Variants in KCNG3 observed in about 807,000 individuals in gnomAD.
The protein encoded by KCNG3 is voltage-gated potassium channel regulatory subunit KCNG3.
A neutral mutation model predicts 29.0 loss-of-function variants in KCNG3; 15 were observed. The observed-to-expected ratio is 0.52, with a 90% CI of 0.35 to 0.80. The LOEUF (loss-of-function observed/expected upper bound fraction) is 0.80, where lower values mean the gene tolerates loss of function less well. KCNG3 is among the 30% of genes least tolerant of loss of function. The pLI, the probability that KCNG3 is intolerant of heterozygous loss-of-function variation, is 0.01. For missense variants in KCNG3, 512 were observed against 605.7 expected (o/e 0.85, Z 1.62); for synonymous variants, 322 against 248.9 (o/e 1.29, Z -2.76).
At chr2:42,476,397 A>C (rs1673426688) in intron 1 of KCNG3, among the ~76,000 whole-genome samples, 1 of 152,052 alleles carries the variant, frequency 6.6e-6, no homozygotes, top group Admixed American at 6.6e-5. Context: ...GGATTGCCTG[A>C]GCCCAGGAGG....
intron 1 of KCNG3, among the ~76,000 whole-genome samples, chr2:42,457,134 G>C (rs893962267): frequency 1.3e-5 from 2 of 151,958 alleles, no homozygotes; most frequent in African/African-American, 4.8e-5. Flanking sequence ...TCTCACAACT[G>C]TATGCAATAG....
At chr2:42,448,771 TG>T (rs1558374575) in intron 1 of KCNG3, among the ~76,000 whole-genome samples, 2 of 151,956 alleles carry the variant, frequency 1.3e-5, no homozygotes. Flanking sequence ...GGGCGGATCA[TG>T]AGGTCAAGAG....
chr2:42,476,912 G>A (rs189556428), intron 1 of KCNG3, among the ~76,000 whole-genome samples: 73 of 151,008 alleles, frequency 4.8e-4, no homozygotes, highest in Non-Finnish European at 7.5e-4. Context: ...AAGGCCGGGC[G>A]TGGTGGCTCA....
At chr2:42,414,655 T>C in the KCNG3 span, among the ~76,000 whole-genome samples, 1 of 152,134 alleles carries the variant, frequency 6.6e-6, no homozygotes, top group Non-Finnish European at 1.5e-5. Flanking sequence ...AGCTATTCTA[T>C]CTTCAAATAT....
the KCNG3 span, among the ~76,000 whole-genome samples, chr2:42,399,041 CTTTTTTTTTCTTTTCT>C: frequency 1.1e-4 from 16 of 141,094 alleles, no homozygotes; most frequent in South Asian, 2.3e-4. Flanking sequence ...TTTTTCTTTT[CTTTTTTTTTCTTTTCT>C]TTTTTTTTTT....
chr2:42,425,747 C>A, the KCNG3 span, among the ~76,000 whole-genome samples: 1 of 152,016 alleles, frequency 6.6e-6, no homozygotes, highest in African/African-American at 2.4e-5. Context: ...GGGAGAAAAA[C>A]AGAATATGAA....
chr2:42,460,410 T>C (rs1672986905), intron 1 of KCNG3, among the ~76,000 whole-genome samples: 2 of 152,142 alleles, frequency 1.3e-5, no homozygotes, highest in Admixed American at 1.3e-4. Context: ...AAAAGATTTT[T>C]AAAAGAAGAT....
At position 42,492,956 on chromosome 2, in the gene KCNG3, G is replaced by C. The variant is rs1673941160; in HGVS notation, c.546C>G (p.Ile182Met). 6.3e-7 allele frequency: 1 copy of C among 1,582,966 alleles called. No individual in the cohort carries two copies. The highest frequency in any genetic ancestry group is 2.4e-5 in the East Asian group (1 of 42,540). The change falls in exon 1 of 2, where the codon ATC becomes ATG. Residue 182 changes from isoleucine to methionine, a missense_variant. Ile to Met is a conservative substitution (Grantham distance 10, BLOSUM62 1). Coordinates refer to ENST00000306078, the MANE Select transcript of KCNG3 (RefSeq NM_133329.6). ...TGGCGCACAGCACCACCATGGACACGATCACGAACACCACCGACACGCTAG... is the reference window on the plus strand; with the variant it reads ...TGGCGCACAGCACCACCATGGACACCATCACGAACACCACCGACACGCTAG... Reference protein sequence around the residue: ...ILASVSVVFVIVSMVVLCAST... With the variant: ...ILASVSVVFVMVSMVVLCAST...
At chr2:42,410,248 T>C in the KCNG3 span, among the ~76,000 whole-genome samples, 1 of 152,184 alleles carries the variant, frequency 6.6e-6, no homozygotes, top group South Asian at 2.1e-4. Flanking sequence ...TTCTATTATA[T>C]ACAATGCACA....
chr2:42,436,490 T>C, the KCNG3 span, among the ~76,000 whole-genome samples: 2,366 of 152,290 alleles, frequency 0.016, 57 homozygotes, highest in African/African-American at 0.053. Flanking sequence ...CTAAAGCTTG[T>C]CTACAGAGCC....
At chr2:42,435,625 AAAG>A in the KCNG3 span, among the ~76,000 whole-genome samples, 1 of 152,220 alleles carries the variant, frequency 6.6e-6, no homozygotes, top group South Asian at 2.1e-4. Context: ...ACATTTCTCC[AAAG>A]AATAGATGAA....
At chr2:42,415,365 C>T in the KCNG3 span, 1 of 152,162 alleles carries the variant, frequency 6.6e-6, no homozygotes, top group Non-Finnish European at 1.5e-5. Flanking sequence ...AATCACTGCC[C>T]CTTCCTATAG....
intron 1 of KCNG3, among the ~76,000 whole-genome samples, chr2:42,484,192 T>C (rs1314785057): frequency 6.6e-6 from 1 of 152,074 alleles, no homozygotes; most frequent in East Asian, 1.9e-4. Flanking sequence ...CCGGGTGCTG[T>C]GGCTCACACC....
At chr2:42,484,810 T>C (rs780766317) in intron 1 of KCNG3, among the ~76,000 whole-genome samples, 2 of 152,262 alleles carry the variant, frequency 1.3e-5, no homozygotes, top group Non-Finnish European at 2.9e-5. Context: ...AAGTTTCCAC[T>C]GAATTCTAAA....
chr2:42,389,643 T>A, the KCNG3 span, among the ~76,000 whole-genome samples: 1 of 152,232 alleles, frequency 6.6e-6, no homozygotes, highest in Non-Finnish European at 1.5e-5. Context: ...CTCACCCAGT[T>A]TATCCTAATG....
At chr2:42,480,010 T>C (rs1308844842) in intron 1 of KCNG3, among the ~76,000 whole-genome samples, 1 of 152,206 alleles carries the variant, frequency 6.6e-6, no homozygotes, top group Non-Finnish European at 1.5e-5. Flanking sequence ...AGCAAGACTC[T>C]GTCTCAAATT....
At chr2:42,428,157 A>AT in the KCNG3 span, among the ~76,000 whole-genome samples, 7,036 of 146,950 alleles carry the variant, frequency 0.048, 199 homozygotes, top group Non-Finnish European at 0.064. Context: ...AACAAGGTAG[A>AT]TTTTTTTTTT....
At chr2:42,490,742 G>A (rs530640986) in intron 1 of KCNG3, among the ~76,000 whole-genome samples, 2 of 152,324 alleles carry the variant, frequency 1.3e-5, no homozygotes, top group East Asian at 1.9e-4. Context: ...GAGCCTTGAA[G>A]GCCAAGAAAG....
chr2:42,435,163 C>A, the KCNG3 span, among the ~76,000 whole-genome samples: 1 of 152,016 alleles, frequency 6.6e-6, no homozygotes, highest in Non-Finnish European at 1.5e-5. Flanking sequence ...ATTAGCCAGG[C>A]ATGGTGGCGC....
Sources: gnomAD v4.1 joint callset for allele counts (sites outside exome capture counted in the v4.1 genomes callset) on GRCh38, gnomAD v4.1.1 for gene constraint, MANE v1.5 for transcripts, NCBI Gene and HGNC (gene_info 2026-07-23, HGNC 2026-07-21) for gene names.